Variants in ARHGEF7 observed in about 807,000 individuals in gnomAD.
The protein encoded by ARHGEF7 is Rho guanine nucleotide exchange factor 7.
A neutral mutation model predicts 109.8 loss-of-function variants in ARHGEF7; 33 were observed. That is an observed-to-expected ratio of 0.30 (90% confidence interval 0.23 to 0.40). The LOEUF is 0.40. Among genes scored for constraint, ARHGEF7 ranks in the 10% least tolerant of loss-of-function variants. The pLI is 1.00. For missense variants in ARHGEF7, 938 were observed against 1,098.5 expected (o/e 0.85, Z 2.07); for synonymous variants, 458 against 424.6 (o/e 1.08, Z -0.97).
At chr13:111,117,675 TTTTCTC>T (rs2066887960) in intron 1 of ARHGEF7, among the ~76,000 whole-genome samples, 3 of 152,226 alleles carry the variant, frequency 2.0e-5, no homozygotes, top group South Asian at 4.1e-4. Flanking sequence ...TTTCTTTTCT[TTTTCTC>T]TTTCTTTCTT....
intron 19 of ARHGEF7, among the ~76,000 whole-genome samples, chr13:111,296,457 G>C (rs2093430273): frequency 1.3e-5 from 2 of 152,276 alleles, no homozygotes; most frequent in South Asian, 4.2e-4. Flanking sequence ...TGGGCAGGCA[G>C]ACACCGAGCA....
At chr13:111,298,878 G>A (rs1431434715) in intron 19 of ARHGEF7, among the ~76,000 whole-genome samples, 2 of 152,192 alleles carry the variant, frequency 1.3e-5, no homozygotes, top group East Asian at 3.9e-4. Flanking sequence ...AACAACAGCC[G>A]CAGGTGTGCC....
chr13:111,161,773 T>C (rs550192383), intron 2 of ARHGEF7, among the ~76,000 whole-genome samples: 1 of 152,278 alleles, frequency 6.6e-6, no homozygotes, highest in African/African-American at 2.4e-5. Context: ...AATATGTAAA[T>C]ATATTTTTAA....
chr13:111,121,286 G>A (rs920859282), intron 1 of ARHGEF7, among the ~76,000 whole-genome samples: 6 of 152,230 alleles, frequency 3.9e-5, no homozygotes, highest in African/African-American at 1.2e-4. Context: ...GCCGCAGAAC[G>A]TGTGTTCCGT....
rs199892405 is a variant in ARHGEF7 at position 111,301,518 on chromosome 13, C to G, written c.2452C>G (p.Gln818Glu). Reference sequence around the variant, plus strand: ...CGTATATGCATTAAAGGATGAAGTTCAAGAATTAAGACAGGTACGTCATAA... The same window carrying G: ...CGTATATGCATTAAAGGATGAAGTTGAAGAATTAAGACAGGTACGTCATAA... ...DTVYALKDEV[Q>E]ELRQDNKKMK... The change falls in exon 21 of 22, where the codon CAA (glutamine) becomes GAA (glutamate). Residue 818 changes from glutamine (Q) to glutamate (E), a missense_variant. Physicochemically the swap from Gln to Glu is conservative, Grantham distance 29 (BLOSUM62 2). This residue lies in a region of ARHGEF7 where 166 missense variants were observed against 167.3 expected (regional missense o/e 0.99). Transcript: ENST00000646102. 3.7e-6 allele frequency: 6 copies of G among 1,611,640 alleles called. No individual in the cohort carries two copies. The highest frequency in any genetic ancestry group is 1.3e-5 in the African/African-American group (1 of 74,810).
At chr13:111,179,188 C>T (rs1438768732) in intron 2 of ARHGEF7, among the ~76,000 whole-genome samples, 10 of 152,072 alleles carry the variant, frequency 6.6e-5, no homozygotes, top group Middle Eastern at 3.4e-3. Flanking sequence ...AAGCGATTCT[C>T]GTGCCTCAGC....
chr13:111,222,329 A>T lies in ARHGEF7; in HGVS notation c.670+4449A>T, dbSNP rs369218987. On this transcript the variant is annotated intron_variant, in intron 5 of 21. Coordinates refer to ENST00000646102, the MANE Select transcript of ARHGEF7 (RefSeq NM_001354046.2). The stretch of plus-strand genomic sequence containing the variant: ...TGATGCATTTGCTAAACTTTATCTG[A>T]TGGTTGAACCAAAGGAATAACCTTC... Among the ~76,000 whole-genome samples the T allele has an allele frequency of 4.6e-5, 7 of 152,286 alleles. 1 individual carries two copies. The highest frequency in any genetic ancestry group is 7.2e-5 in the African/African-American group (3 of 41,552).
chr13:111,267,006 G>A (rs1230463271), intron 8 of ARHGEF7: 1 of 430,014 alleles, frequency 2.3e-6, no homozygotes, highest in Non-Finnish European at 4.8e-6. Context: ...GGTTCTGGTA[G>A]TCTCTTCCTC....
At chr13:111,164,040 C>T (rs1044246358) in intron 2 of ARHGEF7, among the ~76,000 whole-genome samples, 12 of 150,698 alleles carry the variant, frequency 8.0e-5, no homozygotes, top group African/African-American at 1.2e-4. Flanking sequence ...GAGTGGCCCC[C>T]GTATTGCGTG....
At chr13:111,211,401 T>G (rs953388703) in intron 4 of ARHGEF7, among the ~76,000 whole-genome samples, 1 of 152,136 alleles carries the variant, frequency 6.6e-6, no homozygotes, top group African/African-American at 2.4e-5. Flanking sequence ...TTCATCTGAT[T>G]TTTTTTTCTT....
rs1271233502 is a variant in ARHGEF7, at chr13:111,283,121, G to T, written c.1726-18G>T. On this transcript the variant is annotated intron_variant, in intron 15 of 21. Coordinates refer to ENST00000646102, the MANE Select transcript of ARHGEF7 (RefSeq NM_001354046.2). ...GAGTCTCATGTTCTCTGCCCTTCCC[G>T]CTCTGTGCCCTTGGCAGCTCCCCTC... 3.2e-6 allele frequency: 5 copies of T among 1,568,160 alleles called. No homozygotes were observed. The Admixed American group carries it at 7.6e-5, about 24-fold the overall frequency.
chr13:111,153,592 G>T, intron 1 of ARHGEF7: 24 of 1,119,846 alleles, frequency 2.1e-5, no homozygotes, highest in Non-Finnish European at 2.6e-5. Context: ...GCGAACACCC[G>T]ACGCTATCCG....
chr13:111,203,205 T>G (rs982761415), intron 2 of ARHGEF7: 1 of 806,776 alleles, frequency 1.2e-6, no homozygotes, highest in Admixed American at 3.3e-5. Context: ...AGCACTAAGA[T>G]TAGATCTGTA....
intron 2 of ARHGEF7, among the ~76,000 whole-genome samples, chr13:111,179,581 A>G (rs930387497): frequency 6.6e-5 from 10 of 152,196 alleles, no homozygotes; most frequent in Admixed American, 5.9e-4. Context: ...TCGCTTATGC[A>G]ACCCATATTC....
chr13:111,167,827 A>T (rs1275908008), intron 2 of ARHGEF7, among the ~76,000 whole-genome samples: 2 of 152,140 alleles, frequency 1.3e-5, no homozygotes, highest in Non-Finnish European at 2.9e-5. Context: ...GCCTATTTCC[A>T]CTGAGAATGT....
intron 6 of ARHGEF7, among the ~76,000 whole-genome samples, chr13:111,238,717 G>T (rs1031954494): frequency 6.6e-6 from 1 of 151,952 alleles, no homozygotes; most frequent in Non-Finnish European, 1.5e-5. Flanking sequence ...AGAGAATGAT[G>T]GTCTGGAGTT....
rs2089320636 is a variant in ARHGEF7, at chr13:111,248,813, A to G, written c.950+4519A>G. On this transcript the variant is annotated intron_variant, in intron 8 of 21. Transcript: ENST00000646102. Reference sequence around the variant, plus strand: ...AACTGCTTTAAGGTCCCATCTGCTGATTCTTTATTGTGAGGATGGGTTACG... The same window carrying G: ...AACTGCTTTAAGGTCCCATCTGCTGGTTCTTTATTGTGAGGATGGGTTACG... Among the ~76,000 whole-genome samples, 3 of 152,160 alleles carry G rather than the reference A, an allele frequency of 2.0e-5. No homozygotes were observed. The South Asian group carries it at 6.2e-4, about 32-fold the overall frequency.
chr13:111,267,997 A>G (rs1281729790), intron 9 of ARHGEF7, among the ~76,000 whole-genome samples: 1 of 152,216 alleles, frequency 6.6e-6, no homozygotes, highest in Non-Finnish European at 1.5e-5. Flanking sequence ...TTAAAACTGG[A>G]AGTACATGAG....
chr13:111,245,080 G>T (rs2153547581), intron 8 of ARHGEF7, among the ~76,000 whole-genome samples: 1 of 152,312 alleles, frequency 6.6e-6, no homozygotes, highest in Middle Eastern at 3.4e-3. Flanking sequence ...GTGACGTGCG[G>T]TCAGGCGCTG....
Sources: allele counts gnomAD v4.1 joint callset (sites outside exome capture counted in the v4.1 genomes callset), GRCh38; gene constraint gnomAD v4.1.1; regional missense constraint gnomAD v4.1.1; transcripts MANE v1.5; gene names NCBI Gene and HGNC (gene_info 2026-07-23, HGNC 2026-07-21).